The following THOC2 variants were observed in gnomAD, a reference collection of about 807,000 sequenced individuals.
THOC2 encodes the protein THO complex subunit 2.
A neutral mutation model predicts 128.4 loss-of-function variants in THOC2; 10 were observed. The ratio of observed to expected loss-of-function variants is 0.08; its 90% CI spans 0.05 to 0.13. The LOEUF is 0.13. Ranked by LOEUF, THOC2 falls within the 10% of genes least tolerant of loss-of-function variation. The pLI, the probability that THOC2 is intolerant of heterozygous loss-of-function variation, is 1.00. For missense variants in THOC2, 535 were observed against 1,155.7 expected, an observed-to-expected ratio of 0.46 and a Z score of 7.79; for synonymous variants, 393 against 396.9, an observed-to-expected ratio of 0.99 and a Z score of 0.12.
At chrX:123,670,325 A>G (rs1569404101) in intron 9 of THOC2, among the ~76,000 whole-genome samples, 1 of 112,520 alleles carries the variant, frequency 8.9e-6, no homozygotes, top group Non-Finnish European at 1.9e-5. Flanking sequence ...GCCCTTTCAA[A>G]TCTCCTGCCT....
intron 12 of THOC2, among the ~76,000 whole-genome samples, chrX:123,653,363 G>C (rs2048437428): frequency 9.0e-6 from 1 of 111,720 alleles, no homozygotes; most frequent in African/African-American, 3.3e-5. Flanking sequence ...CAAAGGCATG[G>C]GCAAAGACTT....
At chrX:123,637,759 CG>C (rs1419088704) in intron 18 of THOC2, among the ~76,000 whole-genome samples, 1 of 108,954 alleles carries the variant, frequency 9.2e-6, no homozygotes, top group African/African-American at 3.4e-5. Flanking sequence ...GACTCCATCT[CG>C]AAAAAAAAAT....
intron 30 of THOC2, among the ~76,000 whole-genome samples, chrX:123,621,913 C>T (rs988453674): frequency 2.7e-5 from 3 of 109,908 alleles, no homozygotes; most frequent in South Asian, 4.0e-4. Flanking sequence ...CGCATGGTGG[C>T]GGGCACCTGT....
At chrX:123,677,811 A>T (rs1269494206) in intron 8 of THOC2, among the ~76,000 whole-genome samples, 1 of 106,662 alleles carries the variant, frequency 9.4e-6, no homozygotes, top group Non-Finnish European at 1.9e-5. Flanking sequence ...CAGAGGCTGC[A>T]GTGAGGCCAA....
In THOC2 at chrX:123,613,535, C is replaced by T; in HGVS notation, c.4541G>A (p.Ser1514Asn). The T allele has an allele frequency of 8.3e-7, 1 of 1,208,627 alleles. No homozygotes were observed. The highest frequency in any genetic ancestry group is 1.7e-5 in the African/African-American group (1 of 57,440). ...NGTMGVSKHK[S>N]ESPCESPYPN... ...ATAAGGAGATTCACAAGGACTTTCA[C>T]TTTTATGTTTTGAAACCCCCACTAA... Residue 1514 changes from serine (S) to asparagine (N), a missense_variant, in exon 36 of 39, where the codon AGT becomes AAT. This residue lies in a region of THOC2 where 39 missense variants were observed against 93.1 expected (regional missense o/e 0.42). Coordinates refer to ENST00000245838, the MANE Select transcript of THOC2 (RefSeq NM_001081550.2).
intron 3 of THOC2, among the ~76,000 whole-genome samples, chrX:123,706,365 A>T (rs180900228): frequency 4.3e-4 from 47 of 109,905 alleles, no homozygotes; most frequent in South Asian, 3.6e-3. Flanking sequence ...AGGACACCTT[A>T]ATTTCTTCTT....
intron 2 of THOC2, among the ~76,000 whole-genome samples, chrX:123,710,395 C>G (rs1179174572): frequency 3.6e-5 from 4 of 112,137 alleles, no homozygotes; most frequent in Non-Finnish European, 7.5e-5. Context: ...TTCTATCAAA[C>G]AAGATCAAAG....
At chrX:123,687,433 C>G (rs777080938) in intron 7 of THOC2, among the ~76,000 whole-genome samples, 33 of 111,701 alleles carry the variant, frequency 3.0e-4, no homozygotes, top group Non-Finnish European at 5.6e-4. Context: ...TAAACATAGT[C>G]CCTAAATGCA....
At position 123,690,783 on chromosome X, in the gene THOC2, C is replaced by G. The variant is rs773449410; in HGVS notation, c.602-4069G>C. ...CATGTTTTTAACAAAATGAAATGAT[C>G]TACAATGTAGAAAGAGTTTCTTTAG... On this transcript the variant is annotated intron_variant, in intron 7 of 38. Coordinates refer to ENST00000245838, the MANE Select transcript of THOC2 (RefSeq NM_001081550.2). 4.5e-5 allele frequency among the ~76,000 whole-genome samples: 5 copies of G among 112,043 alleles called. No homozygotes were observed. In the South Asian group the frequency reaches 1.1e-3, roughly 25 times the overall value.
At chrX:123,673,551 A>C (rs766145072) in intron 8 of THOC2, among the ~76,000 whole-genome samples, 27 of 111,089 alleles carry the variant, frequency 2.4e-4, no homozygotes, top group Non-Finnish European at 4.5e-4. Context: ...ACATCACCAC[A>C]ATATGCCCCA....
At chrX:123,711,958 TAAAA>T (rs55916247) in intron 2 of THOC2, among the ~76,000 whole-genome samples, 4 of 46,853 alleles carry the variant, frequency 8.5e-5, no homozygotes, top group Admixed American at 3.6e-4. Flanking sequence ...CTGTCTACTT[TAAAA>T]AAAAAAAAAA....
intron 7 of THOC2, among the ~76,000 whole-genome samples, chrX:123,695,450 C>G (rs1208651856): frequency 1.8e-5 from 2 of 111,986 alleles, no homozygotes; most frequent in Non-Finnish European, 3.8e-5. Flanking sequence ...ACTTTCCTAT[C>G]TGTTACACTT....
intron 1 of THOC2, among the ~76,000 whole-genome samples, chrX:123,715,300 A>G (rs1011100245): frequency 3.6e-5 from 4 of 109,985 alleles, no homozygotes; most frequent in African/African-American, 9.9e-5. Context: ...AGCCCAACAA[A>G]GTTCTGGGAA....
At chrX:123,729,163 T>G (rs779616559) in intron 1 of THOC2, among the ~76,000 whole-genome samples, 37 of 112,216 alleles carry the variant, frequency 3.3e-4, no homozygotes, top group Non-Finnish European at 6.4e-4. Flanking sequence ...ATATAAGTAT[T>G]ATTGGAAATT....
Position 123,624,597 on chromosome X carries a change from A to C in THOC2, c.3130T>G (p.Cys1044Gly). The C allele has an allele frequency of 8.3e-7, 1 of 1,210,416 alleles. No homozygotes were observed. Among genetic ancestry groups the C allele is most frequent in the South Asian group, 1.8e-5 (1 of 56,831 alleles). The change falls in exon 26 of 39, where the codon TGC (cysteine) becomes GGC (glycine). Residue 1044 changes from cysteine to glycine, a missense_variant. Cys to Gly is a radical substitution (Grantham distance 159). Coordinates refer to ENST00000245838, the MANE Select transcript of THOC2 (RefSeq NM_001081550.2). ...CTGGTCACAGTCTCTAACATGCAGC[A>C]AAGAAACCTTCCGTATCGACTGGCT... Reference protein sequence around the residue: ...NEASRYGRFLCCMLETVTRWH... With the variant: ...NEASRYGRFLGCMLETVTRWH...
At chrX:123,686,352 C>G (rs1182276030) in intron 8 of THOC2, among the ~76,000 whole-genome samples, 196 bp downstream of exon 8, 1 of 112,151 alleles carries the variant, frequency 8.9e-6, no homozygotes, top group African/African-American at 3.2e-5. Context: ...ATTCTTTCCT[C>G]TAGGCTTTCA....
chrX:123,678,934 G>A (rs764112789), intron 8 of THOC2, among the ~76,000 whole-genome samples: 106 of 110,612 alleles, frequency 9.6e-4, no homozygotes, highest in African/African-American at 2.8e-3. Flanking sequence ...CTTTATACCT[G>A]TTATGATAAA....
At chrX:123,713,410 G>A (rs769047719) in intron 1 of THOC2, among the ~76,000 whole-genome samples, 12 of 107,748 alleles carry the variant, frequency 1.1e-4, no homozygotes, top group African/African-American at 3.7e-4. Context: ...AGGAGGCAGA[G>A]GTTGCAGTGA....
At chrX:123,707,798 C>T (rs1016476032) in intron 2 of THOC2, among the ~76,000 whole-genome samples, 2 of 110,399 alleles carry the variant, frequency 1.8e-5, no homozygotes, top group Non-Finnish European at 3.8e-5. Context: ...AAAATTTTTT[C>T]AGAACCAAAC....
Sources: allele counts gnomAD v4.1 joint callset (sites outside exome capture counted in the v4.1 genomes callset), GRCh38; gene constraint gnomAD v4.1.1; regional missense constraint gnomAD v4.1.1; transcripts MANE v1.5; gene names NCBI Gene and HGNC (gene_info 2026-07-23, HGNC 2026-07-21).